RIMS2: variants seen among roughly 807,000 people sequenced by gnomAD.
RIMS2 encodes the protein regulating synaptic membrane exocytosis 2.
A neutral mutation model predicts 174.4 loss-of-function variants in RIMS2; 59 were observed. The ratio of observed to expected loss-of-function variants is 0.34; its 90% CI spans 0.27 to 0.42. The LOEUF (loss-of-function observed/expected upper bound fraction) is 0.42. Among genes scored for constraint, RIMS2 ranks in the 10% least tolerant of loss-of-function variants. The probability of loss-of-function intolerance (pLI) is 1.00; values close to 1 mark genes in which losing one functional copy is unlikely to be tolerated. For missense variants in RIMS2, 1,620 were observed against 1,666.3 expected (o/e 0.97, Z 0.48); for synonymous variants, 606 against 572.5 (o/e 1.06, Z -0.84).
intron 4 of RIMS2, among the ~76,000 whole-genome samples, chr8:103,894,231 GT>G (rs1402630146): frequency 6.6e-6 from 1 of 151,858 alleles, no homozygotes; most frequent in Non-Finnish European, 1.5e-5. Flanking sequence ...ATGTCAAGCT[GT>G]TTTATATACT....
chr8:103,684,735 C>T (rs1171772252), intron 1 of RIMS2, among the ~76,000 whole-genome samples: 1 of 151,824 alleles, frequency 6.6e-6, no homozygotes, highest in Non-Finnish European at 1.5e-5. Context: ...TACAGGTGCC[C>T]ACCACCATGC....
chr8:103,544,777 G>A (rs1211537080), intron 1 of RIMS2, among the ~76,000 whole-genome samples: 1 of 152,198 alleles, frequency 6.6e-6, no homozygotes, highest in East Asian at 1.9e-4. Flanking sequence ...AGTAATCGGA[G>A]GGGGCTCCTA....
At chr8:103,939,031 C>T (rs2096978) in intron 13 of RIMS2, among the ~76,000 whole-genome samples, 56,544 of 151,924 alleles carry the variant, frequency 0.37, 11,334 homozygotes, top group Non-Finnish European at 0.43. Flanking sequence ...CTGTTGGTTT[C>T]CCAGGTGCAC....
At chr8:104,250,830 G>C (rs2099356582) in intron 22 of RIMS2, among the ~76,000 whole-genome samples, 194 bp from the exon 29 acceptor site, 1 of 152,174 alleles carries the variant, frequency 6.6e-6, no homozygotes, top group Non-Finnish European at 1.5e-5. Flanking sequence ...GGTTATGTCA[G>C]CATCCCCTAA....
At chr8:103,805,281 T>G (rs1373002319) in intron 3 of RIMS2, among the ~76,000 whole-genome samples, 2 of 152,192 alleles carry the variant, frequency 1.3e-5, no homozygotes, top group Non-Finnish European at 2.9e-5. Context: ...CAATATATGA[T>G]AAATTCACTA....
intron 20 of RIMS2, 83 bp from the exon 27 acceptor site, chr8:104,248,618 A>G: frequency 2.5e-6 from 2 of 792,758 alleles, no homozygotes; most frequent in East Asian, 2.4e-5. Flanking sequence ...TCTTGCCACA[A>G]TAATGAGGCT....
intron 1 of RIMS2, among the ~76,000 whole-genome samples, chr8:103,678,505 A>G (rs922775523): frequency 6.6e-6 from 1 of 152,150 alleles, no homozygotes; most frequent in Non-Finnish European, 1.5e-5. Context: ...GATGTTAAGG[A>G]ATACCTCTCC....
At chr8:103,880,194 C>T (rs1421753261) in intron 3 of RIMS2, among the ~76,000 whole-genome samples, 1 of 151,594 alleles carries the variant, frequency 6.6e-6, no homozygotes, top group African/African-American at 2.4e-5. Context: ...CAATAACAAG[C>T]ACATAGTTAT....
At position 103,592,774 on chromosome 8, in the gene RIMS2, A is replaced by T. The variant is rs186844780; in HGVS notation, c.176+91712A>T. Among the ~76,000 whole-genome samples, 298 of 151,524 alleles carry T rather than the reference A, an allele frequency of 2.0e-3. 2 individuals are homozygous for T. Among genetic ancestry groups the T allele is most frequent in the Non-Finnish European group, 2.1e-3 (140 of 67,456 alleles). On this transcript the variant is annotated intron_variant, in intron 1 of 23. Transcript: ENST00000504942. ...TTTTTTAGTACACATTTTTCACAAG[A>T]CACATGCAGAAAATAAAAGTCAAGT...
Position 104,250,993 on chromosome 8 carries a change from G to A in RIMS2, c.3692-31G>A, listed in dbSNP as rs201825876. On this transcript the variant is annotated intron_variant, in intron 22 of 23. Coordinates refer to ENST00000504942, the Ensembl canonical transcript of RIMS2. ...GGCCATTTCATGTCCATAGTTTATT[G>A]CTCATTCTCCTCTGTGTTTTCTTTC... The A allele has an allele frequency of 9.4e-6, 15 of 1,598,788 alleles. No individual in the cohort carries two copies. In the African/African-American group the frequency reaches 1.9e-4, roughly 20 times the overall value.
chr8:103,563,020 G>T (rs1355708908), intron 1 of RIMS2, among the ~76,000 whole-genome samples: 1 of 152,142 alleles, frequency 6.6e-6, no homozygotes, highest in Non-Finnish European at 1.5e-5. Context: ...ACACTGAAGG[G>T]GGACCAAGGG....
chr8:104,202,860 T>G (rs1346214764), intron 19 of RIMS2, among the ~76,000 whole-genome samples: 2 of 152,338 alleles, frequency 1.3e-5, no homozygotes, highest in East Asian at 3.9e-4. Flanking sequence ...TGAAGAGATA[T>G]AAATCACAAT....
chr8:104,099,035 C>A (rs1292433712), intron 19 of RIMS2, among the ~76,000 whole-genome samples: 1 of 152,150 alleles, frequency 6.6e-6, no homozygotes, highest in African/African-American at 2.4e-5. Flanking sequence ...ATGATTCACG[C>A]ACCTTTCCAT....
chr8:104,009,372 C>A (rs1229776847), intron 17 of RIMS2, among the ~76,000 whole-genome samples: 1 of 151,934 alleles, frequency 6.6e-6, no homozygotes, highest in African/African-American at 2.4e-5. Context: ...CAGCTCACTG[C>A]AGCCTCGACC....
intron 19 of RIMS2, among the ~76,000 whole-genome samples, chr8:104,119,962 G>A (rs978234699): frequency 1.3e-5 from 2 of 152,190 alleles, no homozygotes; most frequent in Non-Finnish European, 2.9e-5. Context: ...CAAATGTAGG[G>A]CACATTGTGA....
At chr8:103,946,783 A>C (rs992293217) in intron 14 of RIMS2, among the ~76,000 whole-genome samples, 7 of 152,206 alleles carry the variant, frequency 4.6e-5, no homozygotes, top group Non-Finnish European at 4.4e-5. Context: ...TTTATATGCA[A>C]AAGTATAAGA....
At chr8:103,727,924 CT>C (rs1370473623) in intron 2 of RIMS2, among the ~76,000 whole-genome samples, 1 of 150,748 alleles carries the variant, frequency 6.6e-6, no homozygotes, top group African/African-American at 2.4e-5. Context: ...TATTCTGGGT[CT>C]TTTGTGTTTC....
At chr8:104,019,495 A>C (rs2096026858) in intron 19 of RIMS2, among the ~76,000 whole-genome samples, 1 of 152,110 alleles carries the variant, frequency 6.6e-6, no homozygotes, top group African/African-American at 2.4e-5. Flanking sequence ...TTTTCATGGA[A>C]GCATTCTCTC....
At chr8:104,219,361 A>T (rs112966912) in intron 19 of RIMS2, among the ~76,000 whole-genome samples, 16 of 152,270 alleles carry the variant, frequency 1.1e-4, no homozygotes, top group Admixed American at 2.6e-4. Flanking sequence ...GAAATCAGGA[A>T]CCCTGAGTTT....
Sources: gnomAD v4.1 joint callset for allele counts (sites outside exome capture counted in the v4.1 genomes callset) on GRCh38, gnomAD v4.1.1 for gene constraint, MANE v1.5 for transcripts, NCBI Gene and HGNC (gene_info 2026-07-23, HGNC 2026-07-21) for gene names.